MSRA: variants seen among roughly 807,000 people sequenced by gnomAD.
MSRA encodes mitochondrial peptide methionine sulfoxide reductase.
In MSRA, 54 loss-of-function variants were observed where a neutral mutation model predicts 31.3. The observed-to-expected ratio is 1.73, with a 90% CI of 1.39 to 2.17. MSRA has a LOEUF of 2.17. MSRA is among the 30% of genes most tolerant of loss of function. MSRA has a pLI of 0.00. For synonymous variants in MSRA, 169 were observed against 116.5 expected (o/e 1.45, Z -2.90); for missense variants, 507 against 300.9 (o/e 1.69, Z -5.07).
At chr8:10,407,261 C>G (rs35060302) in intron 5 of MSRA, among the ~76,000 whole-genome samples, 46,898 of 152,126 alleles carry the variant, frequency 0.31, 7,685 homozygotes, top group Non-Finnish European at 0.37. Context: ...ATGTGAAACG[C>G]CCACGTTCTC....
chr8:10,064,759 A>G (rs1162929393), intron 1 of MSRA, among the ~76,000 whole-genome samples: 3 of 152,226 alleles, frequency 2.0e-5, no homozygotes, highest in African/African-American at 7.2e-5. Flanking sequence ...TGCATAGGTC[A>G]AAAGTCATGT....
chr8:10,159,973 T>C (rs772818078), intron 1 of MSRA, among the ~76,000 whole-genome samples: 1 of 152,266 alleles, frequency 6.6e-6, no homozygotes, highest in Non-Finnish European at 1.5e-5. Context: ...CCCAGGAAGA[T>C]ACTTTTATAA....
rs188797499 is a variant in MSRA, at chr8:10,054,417, C to T, written c.-100C>T. On this transcript the variant is annotated 5_prime_UTR_variant, in exon 1 of 6. Coordinates refer to ENST00000317173, the MANE Select transcript of MSRA (RefSeq NM_012331.5). Reference sequence around the variant, plus strand: ...CCCGCCCGCCCGCGCCCCTGCCGCCCCCCGGTTCCGGCCGCGGACCCCACT... The same window carrying T: ...CCCGCCCGCCCGCGCCCCTGCCGCCTCCCGGTTCCGGCCGCGGACCCCACT... 8.6e-4 allele frequency: 1,010 copies of T among 1,168,284 alleles called. 22 individuals carry two copies. In the Admixed American group the frequency reaches 0.035, roughly 41 times the overall value. The allele number at this position is 1,168,284 out of a possible 1,614,324, so 72.4% of individuals were successfully genotyped here.
At chr8:10,327,426 T>G (rs1585481906) in intron 5 of MSRA, among the ~76,000 whole-genome samples, 1 of 152,142 alleles carries the variant, frequency 6.6e-6, no homozygotes, top group African/African-American at 2.4e-5. Context: ...AAGTGAAAGG[T>G]AAAAAAACAG....
intron 5 of MSRA, among the ~76,000 whole-genome samples, chr8:10,414,363 A>T (rs1448372798): frequency 6.6e-6 from 1 of 152,174 alleles, no homozygotes; most frequent in African/African-American, 2.4e-5. Flanking sequence ...AGATGAGTGA[A>T]ACAAACTATC....
chr8:10,067,994 A>C (rs1472692374), intron 1 of MSRA, among the ~76,000 whole-genome samples: 1 of 144,842 alleles, frequency 6.9e-6, no homozygotes, highest in Non-Finnish European at 1.5e-5. Context: ...AGTGATACTC[A>C]TGCGTCAGCT....
chr8:10,412,542 G>A (rs889988402), intron 5 of MSRA, among the ~76,000 whole-genome samples: 10 of 152,148 alleles, frequency 6.6e-5, no homozygotes, highest in Non-Finnish European at 1.2e-4. Flanking sequence ...CAGGGGTTAC[G>A]CGTTTGAAGC....
chr8:10,420,727 A>C (rs998058901), intron 5 of MSRA, among the ~76,000 whole-genome samples: 1 of 151,972 alleles, frequency 6.6e-6, no homozygotes. Context: ...CACATATGCT[A>C]TCGGGGAACA....
rs148972960 is a variant in MSRA at position 10,212,217 on chromosome 8, T to G, written c.211+4316T>G. ...AAAAAAAATTTAAACTTTACTATCT[T>G]TGAACATAAATTTGTCATCCAAACT... On this transcript the variant is annotated intron_variant, in intron 2 of 5. Transcript: ENST00000317173. 8.3e-4 allele frequency among the ~76,000 whole-genome samples: 126 copies of G among 152,156 alleles called. 1 individual carries two copies. Among genetic ancestry groups the G allele is most frequent in the African/African-American group, 2.9e-3 (119 of 41,520 alleles).
intron 4 of MSRA, among the ~76,000 whole-genome samples, chr8:10,310,492 A>C (rs761455541): frequency 8.5e-5 from 13 of 152,210 alleles, no homozygotes; most frequent in Non-Finnish European, 1.9e-4. Flanking sequence ...GCTTCTATTT[A>C]ACATTTTTCC....
intron 1 of MSRA, among the ~76,000 whole-genome samples, chr8:10,147,803 G>A (rs145737816): frequency 2.6e-5 from 4 of 152,192 alleles, no homozygotes; most frequent in Non-Finnish European, 5.9e-5. Context: ...CCAGGGGCTC[G>A]GAGACAGGTC....
rs554408419 is a variant in MSRA, at chr8:10,231,887, A to G, written c.212-13217A>G. On this transcript the variant is annotated intron_variant, in intron 2 of 5. Coordinates refer to ENST00000317173, the MANE Select transcript of MSRA (RefSeq NM_012331.5). Reference sequence around the variant, plus strand: ...CACTGCACTCCAGCCTGGGTGACAGAGCGAGACTTTGTCTCAAAATAAAAT... The same window carrying G: ...CACTGCACTCCAGCCTGGGTGACAGGGCGAGACTTTGTCTCAAAATAAAAT... Among the ~76,000 whole-genome samples the G allele has an allele frequency of 4.6e-4, 70 of 152,238 alleles. No individual in the cohort carries two copies. The South Asian group carries it at 0.014, about 31-fold the overall frequency.
chr8:10,295,204 G>C (rs1376904191), intron 3 of MSRA, among the ~76,000 whole-genome samples: 1 of 152,062 alleles, frequency 6.6e-6, no homozygotes, highest in Admixed American at 6.6e-5. Flanking sequence ...CCGGGGCATT[G>C]GGTTCTCAGG....
At position 10,280,221 on chromosome 8, in the gene MSRA, C is replaced by T. The variant is rs118044501; in HGVS notation, c.332-21313C>T. 4.7e-3 allele frequency among the ~76,000 whole-genome samples: 708 copies of T among 151,892 alleles called. 2 individuals are homozygous for T. The highest frequency in any genetic ancestry group is 7.4e-3 in the Non-Finnish European group (500 of 67,932). ...TTTTTCTGATCAATTTTTTTGCCTT[C>T]GTGAACCTTTCTATAAAGTGTTCTA... On this transcript the variant is annotated intron_variant, in intron 3 of 5. Transcript: ENST00000317173.
intron 5 of MSRA, among the ~76,000 whole-genome samples, chr8:10,370,991 C>A (rs1805442786): frequency 6.6e-6 from 1 of 152,186 alleles, no homozygotes; most frequent in African/African-American, 2.4e-5. Context: ...GTCTGCATGC[C>A]ACAATTCAAA....
In MSRA at chr8:10,396,743, G is replaced by A. The variant is rs531097240; in HGVS notation, c.544-31405G>A. On this transcript the variant is annotated intron_variant, in intron 5 of 5. Transcript: ENST00000317173. ...TCTTCTGTTTCTGTTTTTCCTCCCAGTAAGACCATACCTTGATTTGGAACC... is the reference window on the plus strand; with the variant it reads ...TCTTCTGTTTCTGTTTTTCCTCCCAATAAGACCATACCTTGATTTGGAACC... Among the ~76,000 whole-genome samples the A allele has an allele frequency of 1.2e-4, 18 of 152,266 alleles. 1 individual carries two copies. The South Asian group carries it at 3.7e-3, about 32-fold the overall frequency.
At chr8:10,082,206 A>G (rs1248669710) in intron 1 of MSRA, among the ~76,000 whole-genome samples, 3 of 152,264 alleles carry the variant, frequency 2.0e-5, no homozygotes, top group South Asian at 2.1e-4. Flanking sequence ...CCCTGCTGCT[A>G]AAAAATGAAA....
chr8:10,337,009 T>C (rs952473292), intron 5 of MSRA: 3 of 152,230 alleles, frequency 2.0e-5, no homozygotes, highest in African/African-American at 4.8e-5. Context: ...CAGAAAACAA[T>C]GGTAAAGACC....
chr8:10,239,546 A>G (rs2129078487), intron 2 of MSRA, among the ~76,000 whole-genome samples: 1 of 152,332 alleles, frequency 6.6e-6, no homozygotes, highest in South Asian at 2.1e-4. Context: ...CACAACAGAG[A>G]TCCTCCTACA....
Sources: gnomAD v4.1 joint callset for allele counts (sites outside exome capture counted in the v4.1 genomes callset) on GRCh38, gnomAD v4.1.1 for gene constraint, MANE v1.5 for transcripts, NCBI Gene and HGNC (gene_info 2026-07-23, HGNC 2026-07-21) for gene names.